The following ANKS1B variants were observed in gnomAD, a reference collection of about 807,000 sequenced individuals.
The protein encoded by ANKS1B is ankyrin repeat and sterile alpha motif domain-containing protein 1B.
ANKS1B carries 36 observed loss-of-function variants against 148.3 expected under a neutral mutation model. The observed-to-expected ratio is 0.24, with a 90% CI of 0.19 to 0.32. The LOEUF is 0.32. Ranked by LOEUF, ANKS1B falls within the 10% of genes least tolerant of loss-of-function variation. ANKS1B has a pLI of 1.00. For missense variants in ANKS1B, 1,157 were observed against 1,542.6 expected (o/e 0.75, Z 4.19); for synonymous variants, 542 against 560.8 (o/e 0.97, Z 0.47).
intron 9 of ANKS1B, among the ~76,000 whole-genome samples, chr12:99,628,894 TCTTAATA>T (rs1430847843): frequency 1.3e-5 from 2 of 152,218 alleles, no homozygotes; most frequent in South Asian, 2.1e-4. Context: ...TGGTCCCACC[TCTTAATA>T]CTTAATGGGT....
intron 9 of ANKS1B, among the ~76,000 whole-genome samples, chr12:99,629,397 A>AGGTAGCGGATGATTCAGCC (rs1237112633): frequency 6.6e-6 from 1 of 152,194 alleles, no homozygotes; most frequent in Non-Finnish European, 1.5e-5. Context: ...GTGGAAAAAA[A>AGGTAGCGGATGATTCAGCC]TGTACTAAGT....
intron 8 of ANKS1B, among the ~76,000 whole-genome samples, chr12:99,663,832 G>A (rs1035032972): frequency 2.0e-5 from 3 of 152,082 alleles, no homozygotes; most frequent in Admixed American, 2.0e-4. Context: ...AATAGTACAT[G>A]AGACATTACA....
chr12:99,795,515 T>C (rs1187474184), intron 4 of ANKS1B, among the ~76,000 whole-genome samples: 1 of 151,934 alleles, frequency 6.6e-6, no homozygotes, highest in Non-Finnish European at 1.5e-5. Flanking sequence ...TTCTATAGGA[T>C]ATAATTCAGA....
chr12:99,355,396 G>A (rs1449433010), intron 12 of ANKS1B, among the ~76,000 whole-genome samples: 1 of 152,064 alleles, frequency 6.6e-6, no homozygotes, highest in East Asian at 1.9e-4. Context: ...TTGTTTTCCT[G>A]CCACAAATTT....
intron 9 of ANKS1B, among the ~76,000 whole-genome samples, chr12:99,592,854 A>G (rs1211468650): frequency 6.6e-6 from 1 of 152,122 alleles, no homozygotes; most frequent in African/African-American, 2.4e-5. Context: ...TACCTGAAAG[A>G]TATACATTGG....
chr12:99,762,917 G>A (rs1261589677), intron 8 of ANKS1B, among the ~76,000 whole-genome samples: 6 of 151,994 alleles, frequency 3.9e-5, no homozygotes, highest in East Asian at 3.8e-4. Flanking sequence ...CTAATCATTA[G>A]AGAAGTGCAA....
chr12:99,032,789 C>A (rs2099953071), intron 17 of ANKS1B, among the ~76,000 whole-genome samples: 2 of 152,044 alleles, frequency 1.3e-5, no homozygotes, highest in African/African-American at 4.8e-5. Flanking sequence ...ACATTTATGG[C>A]AATTTAAGTT....
chr12:99,531,488 C>A (rs1224216022), intron 9 of ANKS1B, among the ~76,000 whole-genome samples: 1 of 152,070 alleles, frequency 6.6e-6, no homozygotes, highest in African/African-American at 2.4e-5. Flanking sequence ...CAAGTTACTT[C>A]ACTTAGGATA....
chr12:99,526,375 A>G (rs2096926478), intron 9 of ANKS1B, among the ~76,000 whole-genome samples: 1 of 152,174 alleles, frequency 6.6e-6, no homozygotes, highest in South Asian at 2.1e-4. Flanking sequence ...TACCATTACT[A>G]TTTCTAAAAC....
chr12:99,786,314 A>G (rs1331581103), intron 4 of ANKS1B, among the ~76,000 whole-genome samples: 1 of 152,182 alleles, frequency 6.6e-6, no homozygotes, highest in African/African-American at 2.4e-5. Context: ...GCTTTGGAAC[A>G]GGTATTTGTT....
At chr12:99,785,194 T>C (rs1023419934) in intron 4 of ANKS1B, among the ~76,000 whole-genome samples, 1 of 145,226 alleles carries the variant, frequency 6.9e-6, no homozygotes, top group Non-Finnish European at 1.5e-5. Context: ...ATGTTAGTTG[T>C]CTCTTTTTTT....
intron 12 of ANKS1B, among the ~76,000 whole-genome samples, chr12:99,371,770 C>T (rs897498865): frequency 6.6e-6 from 1 of 152,030 alleles, no homozygotes; most frequent in African/African-American, 2.4e-5. Flanking sequence ...AGGAAAAAAA[C>T]ATTCCTGTGA....
In ANKS1B at chr12:99,383,863, AAAAAG is replaced by A. The variant is rs796387805; in HGVS notation, c.1756+15763_1756+15767del. On this transcript the variant is annotated intron_variant, in intron 12 of 26. Coordinates refer to ENST00000683438, the MANE Select transcript of ANKS1B (RefSeq NM_001352186.2). ...CCCCATCTCTACAAAAAAAAAAAAA[AAAAAG>A]AAAAGAAAAGAAGTAACTGGGCATG... Among the ~76,000 whole-genome samples the A allele has an allele frequency of 3.5e-3, 494 of 141,612 alleles. 3 individuals carry two copies. Among genetic ancestry groups the A allele is most frequent in the East Asian group, 5.0e-3 (24 of 4,814 alleles). The allele number at this position is 141,612 out of a possible 152,430, so 92.9% of individuals were successfully genotyped here. A position where few individuals can be genotyped will look rare whatever the true frequency, so the allele number is the denominator to read the frequency against.
chr12:99,203,544 G>A (rs1030062030), intron 14 of ANKS1B, among the ~76,000 whole-genome samples: 20 of 151,206 alleles, frequency 1.3e-4, no homozygotes, highest in African/African-American at 1.9e-4. Context: ...TCCGCCCTCC[G>A]GGTGCACGCC....
At chr12:99,162,084 T>C (rs915874927) in intron 14 of ANKS1B, among the ~76,000 whole-genome samples, 1 of 151,990 alleles carries the variant, frequency 6.6e-6, no homozygotes, top group African/African-American at 2.4e-5. Flanking sequence ...TAAAAGACCA[T>C]ATATTGTATA....
chr12:99,239,244 C>T (rs1190565553), intron 14 of ANKS1B, among the ~76,000 whole-genome samples: 5 of 152,050 alleles, frequency 3.3e-5, no homozygotes, highest in African/African-American at 1.2e-4. Context: ...GAACTGAAAA[C>T]CAAAGCACAA....
chr12:98,805,958 G>A (rs1018903031), intron 20 of ANKS1B, among the ~76,000 whole-genome samples: 4 of 152,122 alleles, frequency 2.6e-5, no homozygotes, highest in Non-Finnish European at 4.4e-5. Flanking sequence ...TGCAACCTCC[G>A]CTTCCTAGGG....
chr12:98,880,226 G>C (rs891395018), intron 17 of ANKS1B, among the ~76,000 whole-genome samples: 4 of 152,138 alleles, frequency 2.6e-5, no homozygotes, highest in African/African-American at 9.7e-5. Flanking sequence ...GGATTACCAA[G>C]TTTCTCTACA....
rs941840194 is a variant in ANKS1B, at chr12:98,988,009, T to G, written c.2778+65148A>C. ...TCTATGTTTAAATCAACAGATAAAA[T>G]TGTATGTATTTATTGCATGCAACAT... is the stretch of plus-strand genomic sequence containing the variant. On this transcript the variant is annotated intron_variant, in intron 17 of 26. Transcript: ENST00000683438. Among the ~76,000 whole-genome samples, 4 of 152,322 alleles carry G rather than the reference T, an allele frequency of 2.6e-5. No homozygotes were observed. In the East Asian group the frequency reaches 7.7e-4, roughly 29 times the overall value.
Sources: gnomAD v4.1 joint callset for allele counts (sites outside exome capture counted in the v4.1 genomes callset) on GRCh38, gnomAD v4.1.1 for gene constraint, MANE v1.5 for transcripts, NCBI Gene and HGNC (gene_info 2026-07-23, HGNC 2026-07-21) for gene names.